Variants in NSMCE2 observed in about 807,000 individuals in gnomAD.
NSMCE2 encodes the protein E3 SUMO-protein ligase NSE2.
NSMCE2 carries 24 observed loss-of-function variants against 23.8 expected under a neutral mutation model. The ratio of observed to expected loss-of-function variants is 1.01; its 90% confidence interval spans 0.73 to 1.42. The LOEUF (loss-of-function observed/expected upper bound fraction) is 1.42. NSMCE2 is among the 40% of genes most tolerant of loss of function. NSMCE2 has a pLI of 0.00. For synonymous variants in NSMCE2, 92 were observed against 94.1 expected (o/e 0.98, Z 0.13); for missense variants, 284 against 296.5 (o/e 0.96, Z 0.31).
chr8:125,094,929 C>T (rs1402154200), intron 1 of NSMCE2, among the ~76,000 whole-genome samples: 1 of 152,220 alleles, frequency 6.6e-6, no homozygotes. Flanking sequence ...TCATGGCTTA[C>T]TGCAACCTCA....
chr8:125,243,410 A>C (rs1222851528), intron 5 of NSMCE2, among the ~76,000 whole-genome samples: 1 of 152,188 alleles, frequency 6.6e-6, no homozygotes, highest in Non-Finnish European at 1.5e-5. Context: ...CAAAAGGAAG[A>C]TCCAAAAGGA....
chr8:125,093,709 C>T (rs1002365601), intron 1 of NSMCE2, among the ~76,000 whole-genome samples: 7 of 151,700 alleles, frequency 4.6e-5, no homozygotes, highest in Admixed American at 1.3e-4. Flanking sequence ...GGCGACAGAG[C>T]GAAACTCTGT....
At chr8:125,323,297 G>A (rs187510140) in intron 5 of NSMCE2, among the ~76,000 whole-genome samples, 1 of 152,248 alleles carries the variant, frequency 6.6e-6, no homozygotes, top group East Asian at 1.9e-4. Flanking sequence ...ATATTGACGA[G>A]ATTATTCTGA....
intron 4 of NSMCE2, among the ~76,000 whole-genome samples, chr8:125,160,288 T>C (rs1328887801): frequency 1.3e-5 from 2 of 152,210 alleles, no homozygotes; most frequent in Non-Finnish European, 2.9e-5. Context: ...TAAGGTTGCC[T>C]AGAACGTTCT....
chr8:125,168,068 G>A (rs1165302325), intron 4 of NSMCE2, among the ~76,000 whole-genome samples: 1 of 152,104 alleles, frequency 6.6e-6, no homozygotes, highest in Non-Finnish European at 1.5e-5. Flanking sequence ...AAAACCTGTT[G>A]GAAGAATTTT....
intron 3 of NSMCE2, among the ~76,000 whole-genome samples, chr8:125,106,664 G>A (rs1195705878): frequency 1.3e-5 from 2 of 150,364 alleles, no homozygotes; most frequent in African/African-American, 2.5e-5. Context: ...CAGCCTGGGC[G>A]ACAGAGCAAG....
chr8:125,227,370 C>T (rs1164573614), intron 5 of NSMCE2, among the ~76,000 whole-genome samples: 2 of 152,166 alleles, frequency 1.3e-5, no homozygotes, highest in Non-Finnish European at 2.9e-5. Flanking sequence ...CCTGACTTGT[C>T]AGTAGCGTGA....
At chr8:125,118,309 A>G (rs1201823782) in intron 3 of NSMCE2, among the ~76,000 whole-genome samples, 1 of 152,074 alleles carries the variant, frequency 6.6e-6, no homozygotes, top group African/African-American at 2.4e-5. Flanking sequence ...ACCTGCCAGG[A>G]GGCAGAGGTT....
chr8:125,112,692 G>A (rs960380548), intron 3 of NSMCE2, among the ~76,000 whole-genome samples: 4 of 152,084 alleles, frequency 2.6e-5, no homozygotes, highest in African/African-American at 9.7e-5. Flanking sequence ...TAAAGAAGGT[G>A]AACTCATAGA....
chr8:125,258,020 G>C (rs1399187130), intron 5 of NSMCE2, among the ~76,000 whole-genome samples: 1 of 152,186 alleles, frequency 6.6e-6, no homozygotes, highest in African/African-American at 2.4e-5. Context: ...CCATTAAAGG[G>C]AGGAGATTGA....
chr8:125,242,623 A>G (rs1279084452), intron 5 of NSMCE2, among the ~76,000 whole-genome samples: 1 of 152,178 alleles, frequency 6.6e-6, no homozygotes, highest in African/African-American at 2.4e-5. Flanking sequence ...CCCTCTGACC[A>G]GTGCTCACAA....
intron 4 of NSMCE2, among the ~76,000 whole-genome samples, chr8:125,164,342 G>T (rs1437009611): frequency 6.6e-6 from 1 of 152,184 alleles, no homozygotes; most frequent in Non-Finnish European, 1.5e-5. Flanking sequence ...TGTAATTCAA[G>T]GCTGTTTTCA....
chr8:125,099,568 G>A (rs530443981), intron 1 of NSMCE2, among the ~76,000 whole-genome samples: 5 of 152,280 alleles, frequency 3.3e-5, no homozygotes, highest in African/African-American at 1.2e-4. Flanking sequence ...GTAGGCAGGT[G>A]CAGAAAGTGC....
intron 4 of NSMCE2, among the ~76,000 whole-genome samples, chr8:125,166,571 A>G: frequency 6.6e-6 from 1 of 152,132 alleles, no homozygotes; most frequent in Non-Finnish European, 1.5e-5. Context: ...CTGGCCCTAA[A>G]TAGATTTTTT....
intron 7 of NSMCE2, among the ~76,000 whole-genome samples, chr8:125,359,330 C>CTTTTT (rs34421417): frequency 7.8e-5 from 8 of 102,890 alleles, no homozygotes; most frequent in East Asian, 3.1e-4. Flanking sequence ...TGCTCTTTCT[C>CTTTTT]TTTTTTTTTT....
At chr8:125,125,314 C>T (rs1819461379) in intron 3 of NSMCE2, among the ~76,000 whole-genome samples, 1 of 152,212 alleles carries the variant, frequency 6.6e-6, no homozygotes, top group Non-Finnish European at 1.5e-5. Context: ...TCCCTTCCTC[C>T]TGCAGTGGCC....
chr8:125,313,976 A>C (rs1057070302), intron 5 of NSMCE2, among the ~76,000 whole-genome samples: 7 of 152,226 alleles, frequency 4.6e-5, no homozygotes, highest in African/African-American at 1.7e-4. Context: ...ACTTTAGGCT[A>C]TCTGGCATTT....
At chr8:125,142,827 C>G (rs1268901786) in intron 3 of NSMCE2, among the ~76,000 whole-genome samples, 1 of 152,146 alleles carries the variant, frequency 6.6e-6, no homozygotes, top group Non-Finnish European at 1.5e-5. Flanking sequence ...GTCTCGAACT[C>G]CTGACCTCAG....
intron 5 of NSMCE2, among the ~76,000 whole-genome samples, chr8:125,336,007 A>T (rs1279729225): frequency 6.6e-6 from 1 of 152,216 alleles, no homozygotes; most frequent in Non-Finnish European, 1.5e-5. Context: ...TAGGAAAATC[A>T]CAAGCTAGGA....
Sources: allele counts gnomAD v4.1 joint callset (sites outside exome capture counted in the v4.1 genomes callset), GRCh38; gene constraint gnomAD v4.1.1; transcripts MANE v1.5; gene names NCBI Gene and HGNC (gene_info 2026-07-23, HGNC 2026-07-21).